KCNIP4: variants seen among roughly 807,000 people sequenced by gnomAD.
KCNIP4 encodes Kv channel-interacting protein 4.
A neutral mutation model predicts 34.0 loss-of-function variants in KCNIP4; 12 were observed. That is an observed-to-expected ratio of 0.35 (90% CI 0.23 to 0.57). The LOEUF (loss-of-function observed/expected upper bound fraction) is 0.57. Ranked by LOEUF, KCNIP4 falls within the 20% of genes least tolerant of loss-of-function variation. KCNIP4 has a pLI of 0.83. For synonymous variants in KCNIP4, 124 were observed against 102.2 expected, an observed-to-expected ratio of 1.21 and a Z score of -1.29; for missense variants, 238 against 311.7, an observed-to-expected ratio of 0.76 and a Z score of 1.78.
At chr4:21,237,767 C>T (rs1759477447) in intron 1 of KCNIP4, among the ~76,000 whole-genome samples, 1 of 152,074 alleles carries the variant, frequency 6.6e-6, no homozygotes, top group African/African-American at 2.4e-5. Context: ...AGTCCAGGAC[C>T]AGATGGATTC....
chr4:20,850,424 G>T, intron 3 of KCNIP4, 119 bp downstream of exon 3: 1 of 1,052,456 alleles, frequency 9.5e-7, no homozygotes, highest in Non-Finnish European at 1.4e-6. Context: ...GGAAGGATCA[G>T]TATGAAATAT....
intron 1 of KCNIP4, among the ~76,000 whole-genome samples, chr4:21,332,500 A>G (rs1213970925): frequency 6.6e-6 from 1 of 151,900 alleles, no homozygotes; most frequent in Non-Finnish European, 1.5e-5. Flanking sequence ...AGAACTGTCA[A>G]TTCTACCTTC....
intron 1 of KCNIP4, among the ~76,000 whole-genome samples, chr4:21,854,792 C>T (rs528362050): frequency 1.3e-5 from 2 of 152,272 alleles, no homozygotes; most frequent in Non-Finnish European, 2.9e-5. Context: ...CTTGGATCTC[C>T]CTATTTCTTC....
chr4:20,889,524 G>C (rs964764053), intron 1 of KCNIP4, among the ~76,000 whole-genome samples: 1 of 152,088 alleles, frequency 6.6e-6, no homozygotes, highest in African/African-American at 2.4e-5. Flanking sequence ...CTCTACTCTG[G>C]AGGGCGGGGA....
intron 1 of KCNIP4, among the ~76,000 whole-genome samples, chr4:21,443,571 C>T (rs1727676646): frequency 6.6e-6 from 1 of 152,146 alleles, no homozygotes; most frequent in South Asian, 2.1e-4. Context: ...AGGTTTTCTG[C>T]AGAAGGAATT....
chr4:20,732,421 A>T (rs1748537808), intron 7 of KCNIP4, among the ~76,000 whole-genome samples: 1 of 152,216 alleles, frequency 6.6e-6, no homozygotes, highest in Non-Finnish European at 1.5e-5. Flanking sequence ...GATTCTTGTA[A>T]AAACTGAATG....
At chr4:21,154,371 A>G (rs957244586) in intron 1 of KCNIP4, among the ~76,000 whole-genome samples, 3 of 152,246 alleles carry the variant, frequency 2.0e-5, no homozygotes, top group African/African-American at 7.2e-5. Flanking sequence ...AACTTAAGGT[A>G]AAACGATTCC....
chr4:20,759,492 G>A (rs1754766374), intron 3 of KCNIP4, among the ~76,000 whole-genome samples: 1 of 152,062 alleles, frequency 6.6e-6, no homozygotes, highest in Non-Finnish European at 1.5e-5. Flanking sequence ...GCCTGGCCTG[G>A]GCTTAATAGA....
chr4:20,913,327 G>C (rs1728506063), intron 1 of KCNIP4, among the ~76,000 whole-genome samples: 2 of 152,100 alleles, frequency 1.3e-5, no homozygotes, highest in African/African-American at 4.8e-5. Flanking sequence ...AAGTGTCCAG[G>C]TTAGGAAAAT....
rs78414633 is a variant in KCNIP4, at chr4:21,271,733, A to G, written c.62-389024T>C. Among the ~76,000 whole-genome samples, 1,038 of 152,274 alleles carry G rather than the reference A, an allele frequency of 6.8e-3. 48 individuals carry two copies. The East Asian group carries it at 0.14, about 20-fold the overall frequency. On this transcript the variant is annotated intron_variant, in intron 1 of 8. Transcript: ENST00000382152. Reference sequence around the variant, plus strand: ...AATAAAATCCTTCCGTAAATAATGCAGTGTGTTTCTATAAGGCTCGCACAC... The same window carrying G: ...AATAAAATCCTTCCGTAAATAATGCGGTGTGTTTCTATAAGGCTCGCACAC...
chr4:21,304,986 G>GA (rs1350139016), intron 1 of KCNIP4, among the ~76,000 whole-genome samples: 1 of 150,360 alleles, frequency 6.7e-6, no homozygotes, highest in African/African-American at 2.4e-5. Flanking sequence ...AAAAAAATCT[G>GA]AAAAAAAGCG....
intron 1 of KCNIP4, among the ~76,000 whole-genome samples, chr4:20,988,395 T>C (rs750346738): frequency 6.6e-6 from 1 of 152,212 alleles, no homozygotes; most frequent in Non-Finnish European, 1.5e-5. Context: ...TACATTTCCT[T>C]GCCCCAATCC....
chr4:20,875,523 A>G (rs533478886), intron 2 of KCNIP4, among the ~76,000 whole-genome samples: 6 of 152,346 alleles, frequency 3.9e-5, no homozygotes, highest in African/African-American at 7.2e-5. Context: ...GGGTTTGAAC[A>G]TGACACTTTT....
At chr4:21,191,064 G>A (rs1477780634) in intron 1 of KCNIP4, among the ~76,000 whole-genome samples, 1 of 152,142 alleles carries the variant, frequency 6.6e-6, no homozygotes, top group Non-Finnish European at 1.5e-5. Flanking sequence ...TTTTTTCCAA[G>A]CAAACCCTCT....
At chr4:20,999,790 A>T (rs890865318) in intron 1 of KCNIP4, among the ~76,000 whole-genome samples, 1 of 152,198 alleles carries the variant, frequency 6.6e-6, no homozygotes, top group African/African-American at 2.4e-5. Context: ...TCAGAAAAAA[A>T]AATACCATTT....
At chr4:21,136,991 G>A (rs1373791642) in intron 1 of KCNIP4, among the ~76,000 whole-genome samples, 1 of 151,950 alleles carries the variant, frequency 6.6e-6, no homozygotes. Context: ...GCACACTGTG[G>A]GCCCTTCTCA....
intron 1 of KCNIP4, among the ~76,000 whole-genome samples, chr4:21,336,493 G>A (rs1042991597): frequency 7.9e-5 from 12 of 151,958 alleles, no homozygotes; most frequent in African/African-American, 2.9e-4. Context: ...GCTCCCATTT[G>A]TGCACATCTC....
At chr4:21,927,464 T>C (rs751323488) in intron 1 of KCNIP4, among the ~76,000 whole-genome samples, 9 of 152,040 alleles carry the variant, frequency 5.9e-5, no homozygotes, top group Admixed American at 5.9e-4. Context: ...AACTTTCAAA[T>C]ACCAGGGACT....
intron 1 of KCNIP4, among the ~76,000 whole-genome samples, chr4:21,027,452 C>T (rs1740653434): frequency 6.6e-6 from 1 of 151,836 alleles, no homozygotes; most frequent in Non-Finnish European, 1.5e-5. Flanking sequence ...AAAAGGGAGG[C>T]AGGAGAGTCA....
Sources: gnomAD v4.1 joint callset for allele counts (sites outside exome capture counted in the v4.1 genomes callset) on GRCh38, gnomAD v4.1.1 for gene constraint, MANE v1.5 for transcripts, NCBI Gene and HGNC (gene_info 2026-07-23, HGNC 2026-07-21) for gene names.